Variants in TPH2 observed in about 807,000 individuals in gnomAD.
TPH2 encodes tryptophan 5-hydroxylase 2.
In TPH2, 27 loss-of-function variants were observed where a neutral mutation model predicts 59.1. The ratio of observed to expected loss-of-function variants is 0.46; its 90% confidence interval spans 0.34 to 0.63. The LOEUF is 0.63. Among genes scored for constraint, TPH2 ranks in the 30% least tolerant of loss-of-function variants. The pLI is 0.01. For synonymous variants in TPH2, 220 were observed against 210.5 expected (o/e 1.05, Z -0.39); for missense variants, 523 against 588.3 (o/e 0.89, Z 1.15).
At chr12:71,943,099 A>G (rs1245969787) in intron 2 of TPH2, among the ~76,000 whole-genome samples, 3 of 152,228 alleles carry the variant, frequency 2.0e-5, no homozygotes, top group African/African-American at 7.2e-5. Flanking sequence ...TGTGAAGTCT[A>G]TTGGGCCTTG....
At chr12:71,972,226 G>C (rs1396776840) in intron 5 of TPH2, among the ~76,000 whole-genome samples, 2 of 152,110 alleles carry the variant, frequency 1.3e-5, no homozygotes, top group South Asian at 4.1e-4. Context: ...CTTCCAACCC[G>C]TAACTATTAC....
intron 9 of TPH2, 82 bp from the exon 10 acceptor site, chr12:72,031,176 A>C: frequency 6.3e-7 from 1 of 1,576,466 alleles, no homozygotes; most frequent in East Asian, 2.2e-5. Context: ...CCGAGCTATC[A>C]AATGTGTTGT....
chr12:71,988,426 G>A (rs1258799163), intron 7 of TPH2, among the ~76,000 whole-genome samples: 1 of 152,128 alleles, frequency 6.6e-6, no homozygotes, highest in African/African-American at 2.4e-5. Context: ...CTGTTTCTGG[G>A]GGACCTCAGG....
intron 6 of TPH2, 88 bp downstream of exon 6, chr12:71,972,803 A>G (rs533752071): frequency 5.1e-6 from 7 of 1,364,496 alleles, no homozygotes; most frequent in Non-Finnish European, 7.1e-6. Context: ...TCTTTTTCCA[A>G]AAAAGGAAAA....
intron 8 of TPH2, among the ~76,000 whole-genome samples, chr12:72,014,370 C>G (rs371260697): frequency 2.2e-4 from 33 of 150,664 alleles, no homozygotes; most frequent in African/African-American, 6.8e-4. Context: ...GAAGCCTAGT[C>G]CCAGAATTTT....
intron 9 of TPH2, among the ~76,000 whole-genome samples, chr12:72,029,618 C>A (rs1329536999): frequency 1.3e-5 from 2 of 152,112 alleles, no homozygotes; most frequent in Non-Finnish European, 2.9e-5. Context: ...TTGAATCTAG[C>A]ACAAATGCAT....
chr12:71,947,479 C>A (rs987807363), intron 4 of TPH2, among the ~76,000 whole-genome samples: 8 of 149,806 alleles, frequency 5.3e-5, no homozygotes, highest in African/African-American at 2.0e-4. Context: ...ATCTAGGATG[C>A]CCAGTTAAAT....
At chr12:72,014,243 C>G (rs537808885) in intron 8 of TPH2, among the ~76,000 whole-genome samples, 2 of 152,264 alleles carry the variant, frequency 1.3e-5, no homozygotes, top group South Asian at 4.1e-4. Context: ...TGGACCAGCC[C>G]TAACATCTTC....
At chr12:71,946,385 G>A (rs1871198506) in intron 4 of TPH2, among the ~76,000 whole-genome samples, 1 of 152,072 alleles carries the variant, frequency 6.6e-6, no homozygotes, top group African/African-American at 2.4e-5. Context: ...CATTTTAATG[G>A]AACAACCATA....
chr12:71,966,145 A>G (rs1871811770), intron 5 of TPH2, among the ~76,000 whole-genome samples: 1 of 152,194 alleles, frequency 6.6e-6, no homozygotes, highest in Admixed American at 6.5e-5. Context: ...AATTCAGGGT[A>G]TATTTATTGA....
intron 6 of TPH2, among the ~76,000 whole-genome samples, chr12:71,978,294 C>A (rs929239116): frequency 6.6e-6 from 1 of 151,780 alleles, no homozygotes; most frequent in Non-Finnish European, 1.5e-5. Context: ...AGCCCTTAGA[C>A]TGAGAACACT....
chr12:71,973,615 C>A (rs143522674), intron 6 of TPH2, among the ~76,000 whole-genome samples: 37 of 152,304 alleles, frequency 2.4e-4, no homozygotes, highest in African/African-American at 7.2e-4. Flanking sequence ...GGGCAACCAG[C>A]GATCCATTCC....
chr12:71,979,021 C>T lies in TPH2; in HGVS notation c.875C>T (p.Ala292Val). The change falls in exon 7 of 11, where the codon GCC (alanine) becomes GTC (valine). Residue 292 changes from alanine to valine, a missense_variant. Physicochemically the swap from Ala to Val is moderately conservative, Grantham distance 64 (BLOSUM62 0). Coordinates refer to ENST00000333850, the MANE Select transcript of TPH2 (RefSeq NM_173353.4). Reference sequence around the variant, plus strand: ...CCACGAGACTTTCTGGCAGGACTGGCCTACAGAGTGTTCCACTGTACCCAG... The same window carrying T: ...CCACGAGACTTTCTGGCAGGACTGGTCTACAGAGTGTTCCACTGTACCCAG... ...LSPRDFLAGL[A>V]YRVFHCTQYI... is the part of the protein sequence containing the mutation. 6.2e-7 allele frequency: 1 copy of T among 1,614,150 alleles called. No homozygotes were observed. The highest frequency in any genetic ancestry group is 8.5e-7 in the Non-Finnish European group (1 of 1,180,012).
At chr12:71,991,239 C>T (rs923955896) in intron 7 of TPH2, among the ~76,000 whole-genome samples, 1 of 152,174 alleles carries the variant, frequency 6.6e-6, no homozygotes, top group Non-Finnish European at 1.5e-5. Flanking sequence ...TTTCGGACTC[C>T]ATTAGTGTCT....
chr12:71,961,682 T>A, intron 5 of TPH2: 1 of 1,351,016 alleles, frequency 7.4e-7, no homozygotes, highest in Non-Finnish European at 9.8e-7. Context: ...CCATTGTTGT[T>A]GCTGTTGATA....
chr12:71,949,699 A>G (rs964080547), intron 5 of TPH2, 44 bp downstream of exon 5: 13 of 1,515,952 alleles, frequency 8.6e-6, no homozygotes, highest in Non-Finnish European at 1.2e-5. Context: ...CTAGTTAGGA[A>G]AAACACATGC....
intron 1 of TPH2, among the ~76,000 whole-genome samples, chr12:71,939,337 G>A (rs964265384): frequency 3.0e-5 from 4 of 131,940 alleles, no homozygotes; most frequent in Non-Finnish European, 4.6e-5. Context: ...AGAGAGTTAA[G>A]AAGTTCCTGA....
intron 5 of TPH2, among the ~76,000 whole-genome samples, chr12:71,968,790 A>T (rs762531440): frequency 6.6e-6 from 1 of 152,170 alleles, no homozygotes; most frequent in Non-Finnish European, 1.5e-5. Context: ...CAGGTGGTAC[A>T]GGAGGAATTT....
intron 5 of TPH2, among the ~76,000 whole-genome samples, chr12:71,968,035 G>A (rs954805492): frequency 6.6e-6 from 1 of 152,158 alleles, no homozygotes; most frequent in African/African-American, 2.4e-5. Context: ...TCTAGAGTTG[G>A]GGGCTGCGAG....
Sources: gnomAD v4.1 joint callset for allele counts (sites outside exome capture counted in the v4.1 genomes callset) on GRCh38, gnomAD v4.1.1 for gene constraint, MANE v1.5 for transcripts, NCBI Gene and HGNC (gene_info 2026-07-23, HGNC 2026-07-21) for gene names.